The following STEAP1B variants were observed in gnomAD, a reference collection of about 807,000 sequenced individuals.
STEAP1B encodes STEAP family member 1B.
In STEAP1B, 13 loss-of-function variants were observed where a neutral mutation model predicts 27.9. The ratio of observed to expected loss-of-function variants is 0.47; its 90% CI spans 0.30 to 0.74. The LOEUF is 0.74. Ranked by LOEUF, STEAP1B falls within the 30% of genes least tolerant of loss-of-function variation. The pLI is 0.06. For missense variants in STEAP1B, 250 were observed against 298.7 expected, an observed-to-expected ratio of 0.84 and a Z score of 1.20; for synonymous variants, 86 against 107.1, an observed-to-expected ratio of 0.80 and a Z score of 1.22.
intron 4 of STEAP1B, among the ~76,000 whole-genome samples, chr7:22,478,308 G>A (rs1300861412): frequency 2.0e-5 from 3 of 152,226 alleles, no homozygotes; most frequent in Admixed American, 6.5e-5. Flanking sequence ...TCTCTCTGGC[G>A]CTGAGACTTG....
At chr7:22,491,729 T>C (rs1033512780) in intron 4 of STEAP1B, among the ~76,000 whole-genome samples, 1 of 152,146 alleles carries the variant, frequency 6.6e-6, no homozygotes, top group African/African-American at 2.4e-5. Context: ...GGGTTGAGAT[T>C]ATAGAAAAGT....
intron 4 of STEAP1B, among the ~76,000 whole-genome samples, chr7:22,427,612 T>A (rs1396891791): frequency 6.6e-6 from 1 of 152,198 alleles, no homozygotes; most frequent in Non-Finnish European, 1.5e-5. Flanking sequence ...AAAAGGCTCA[T>A]GTTAGCATAG....
At chr7:22,477,639 C>T (rs1388119868) in intron 4 of STEAP1B, among the ~76,000 whole-genome samples, 1 of 152,052 alleles carries the variant, frequency 6.6e-6, no homozygotes, top group African/African-American at 2.4e-5. Flanking sequence ...GGATTTTTGG[C>T]TTTTTAATGG....
At chr7:22,428,788 C>T (rs1562565199) in intron 4 of STEAP1B, among the ~76,000 whole-genome samples, 1 of 151,764 alleles carries the variant, frequency 6.6e-6, no homozygotes, top group Non-Finnish European at 1.5e-5. Flanking sequence ...GAGAGTCCGT[C>T]TCAAAAAATA....
intron 4 of STEAP1B, among the ~76,000 whole-genome samples, chr7:22,423,968 G>A (rs1232529340): frequency 6.6e-6 from 1 of 152,172 alleles, no homozygotes; most frequent in Non-Finnish European, 1.5e-5. Flanking sequence ...GGTCAAGGCT[G>A]CAGTGAGCCG....
chr7:22,435,052 CAG>C (rs1785237037), intron 4 of STEAP1B, among the ~76,000 whole-genome samples: 1 of 152,064 alleles, frequency 6.6e-6, no homozygotes, highest in Non-Finnish European at 1.5e-5. Context: ...AATTTTAACT[CAG>C]GTCAATGTAA....
At chr7:22,455,089 T>C (rs2128405849) in intron 4 of STEAP1B, among the ~76,000 whole-genome samples, 1 of 152,172 alleles carries the variant, frequency 6.6e-6, no homozygotes, top group South Asian at 2.1e-4. Flanking sequence ...GGTCTCGATC[T>C]CTTCACTTCG....
intron 4 of STEAP1B, among the ~76,000 whole-genome samples, chr7:22,440,188 G>A (rs977383463): frequency 6.6e-6 from 1 of 152,056 alleles, no homozygotes; most frequent in African/African-American, 2.4e-5. Flanking sequence ...CTACCAGATC[G>A]AGGGGGGAAA....
chr7:22,464,620 G>C (rs917107011), intron 4 of STEAP1B, among the ~76,000 whole-genome samples: 1 of 151,976 alleles, frequency 6.6e-6, no homozygotes, highest in Non-Finnish European at 1.5e-5. Context: ...AATCCAATCT[G>C]ATTGGTGTCC....
chr7:22,488,042 C>G (rs1583353555), intron 4 of STEAP1B, among the ~76,000 whole-genome samples: 1 of 152,128 alleles, frequency 6.6e-6, no homozygotes, highest in Admixed American at 6.5e-5. Context: ...AAAGTGACTA[C>G]TCCCCACACG....
intron 4 of STEAP1B, among the ~76,000 whole-genome samples, chr7:22,473,350 T>C (rs13224616): frequency 0.019 from 2,890 of 152,340 alleles, 40 homozygotes; most frequent in Non-Finnish European, 0.03. Context: ...CATTTCATCT[T>C]AGCCTAGATG....
At chr7:22,487,226 G>A (rs1786225287) in intron 4 of STEAP1B, among the ~76,000 whole-genome samples, 1 of 152,028 alleles carries the variant, frequency 6.6e-6, no homozygotes, top group African/African-American at 2.4e-5. Context: ...TTGAGCCCAG[G>A]AGTTTGGGGC....
intron 4 of STEAP1B, among the ~76,000 whole-genome samples, chr7:22,476,340 G>A (rs969504675): frequency 1.3e-5 from 2 of 152,182 alleles, no homozygotes; most frequent in Non-Finnish European, 2.9e-5. Flanking sequence ...GGGTCTATTA[G>A]CAGGAAACTT....
chr7:22,453,410 C>T (rs114132164), intron 4 of STEAP1B, among the ~76,000 whole-genome samples: 151,005 of 152,290 alleles, frequency 0.99, 74,887 homozygotes, highest in South Asian at 1. Flanking sequence ...ACAGAGACCC[C>T]TTTGCAGTCA....
chr7:22,471,546 G>A (rs1006319163), intron 4 of STEAP1B, among the ~76,000 whole-genome samples: 1 of 152,138 alleles, frequency 6.6e-6, no homozygotes, highest in Non-Finnish European at 1.5e-5. Flanking sequence ...GATACTGTAC[G>A]AGAAATAGAC....
At chr7:22,480,444 G>T (rs140349235) in intron 4 of STEAP1B, among the ~76,000 whole-genome samples, 2 of 152,196 alleles carry the variant, frequency 1.3e-5, no homozygotes, top group Non-Finnish European at 2.9e-5. Context: ...GAGGACACAC[G>T]CTCAAGGTGG....
chr7:22,472,516 G>A (rs1161379695), intron 4 of STEAP1B, among the ~76,000 whole-genome samples: 1 of 152,224 alleles, frequency 6.6e-6, no homozygotes, highest in African/African-American at 2.4e-5. Flanking sequence ...CAGAGATTGA[G>A]AGTTAAGTCT....
chr7:22,436,248 G>A (rs772461353), intron 4 of STEAP1B, among the ~76,000 whole-genome samples: 8 of 152,110 alleles, frequency 5.3e-5, no homozygotes, highest in Non-Finnish European at 8.8e-5. Flanking sequence ...ACAAAAAGCT[G>A]TACATATGTA....
At chr7:22,484,601 T>C (rs1309711405) in intron 4 of STEAP1B, among the ~76,000 whole-genome samples, 1 of 152,222 alleles carries the variant, frequency 6.6e-6, no homozygotes, top group Non-Finnish European at 1.5e-5. Context: ...GCTAATACCA[T>C]ATTCATTCTG....
Sources: gnomAD v4.1 joint callset for allele counts (sites outside exome capture counted in the v4.1 genomes callset) on GRCh38, gnomAD v4.1.1 for gene constraint, MANE v1.5 for transcripts, NCBI Gene and HGNC (gene_info 2026-07-23, HGNC 2026-07-21) for gene names.